LMBRD1: variants seen among roughly 807,000 people sequenced by gnomAD.
LMBRD1 encodes the protein lysosomal cobalamin transport escort protein LMBD1.
Under a neutral mutation model 74.8 loss-of-function variants are expected in LMBRD1, and 64 were observed. The observed-to-expected ratio is 0.86, with a 90% CI of 0.70 to 1.05. The LOEUF (loss-of-function observed/expected upper bound fraction) is 1.05. LMBRD1 is among the 50% of genes least tolerant of loss of function. The probability of loss-of-function intolerance (pLI) is 0.00; values close to 1 mark genes in which losing one functional copy is unlikely to be tolerated. For missense variants in LMBRD1, 652 were observed against 645.9 expected (o/e 1.01, Z -0.10); for synonymous variants, 204 against 216.3 (o/e 0.94, Z 0.50).
intron 3 of LMBRD1, among the ~76,000 whole-genome samples, chr6:69,779,156 A>G (rs1300670906): frequency 6.9e-6 from 1 of 145,534 alleles, no homozygotes; most frequent in Non-Finnish European, 1.5e-5. Flanking sequence ...ACTGCACTCC[A>G]GCCTGGGCAA....
chr6:69,737,835 A>T, intron 7 of LMBRD1, 107 bp downstream of exon 7: 1 of 810,836 alleles, frequency 1.2e-6, no homozygotes, highest in South Asian at 1.6e-5. Context: ...AAATTGAAAA[A>T]GAATCAAAAT....
intron 5 of LMBRD1, among the ~76,000 whole-genome samples, chr6:69,747,232 C>T (rs558214184): frequency 6.6e-6 from 1 of 152,260 alleles, no homozygotes; most frequent in East Asian, 1.9e-4. Flanking sequence ...CTCCTTCTCT[C>T]TCCTCCACCC....
intron 14 of LMBRD1, among the ~76,000 whole-genome samples, chr6:69,681,551 C>A (rs1356252011): frequency 1.3e-5 from 2 of 151,892 alleles, no homozygotes; most frequent in African/African-American, 4.8e-5. Flanking sequence ...TCATGTTAAA[C>A]CTTCACTTGA....
intron 7 of LMBRD1, among the ~76,000 whole-genome samples, chr6:69,730,761 T>C (rs1766838253): frequency 1.3e-5 from 2 of 152,090 alleles, no homozygotes; most frequent in Admixed American, 6.6e-5. Context: ...GTAAAGAAAA[T>C]ATTCATTAGA....
intron 1 of LMBRD1, among the ~76,000 whole-genome samples, chr6:69,795,436 G>A (rs1461649279): frequency 6.6e-6 from 1 of 151,970 alleles, no homozygotes; most frequent in Non-Finnish European, 1.5e-5. Context: ...TTATCTTCAG[G>A]CCCTCTTTAA....
chr6:69,793,775 T>C (rs1426827911), intron 1 of LMBRD1, among the ~76,000 whole-genome samples: 2 of 143,304 alleles, frequency 1.4e-5, no homozygotes, highest in Non-Finnish European at 3.0e-5. Flanking sequence ...CCAGGCACTA[T>C]CAGAGCTTGC....
chr6:69,774,598 A>G (rs1228722718), intron 3 of LMBRD1, among the ~76,000 whole-genome samples: 1 of 152,212 alleles, frequency 6.6e-6, no homozygotes, highest in Non-Finnish European at 1.5e-5. Flanking sequence ...CCAAATATAA[A>G]GATAAAAATA....
intron 7 of LMBRD1, among the ~76,000 whole-genome samples, chr6:69,732,880 G>A (rs1043032514): frequency 6.6e-6 from 1 of 152,070 alleles, no homozygotes; most frequent in African/African-American, 2.4e-5. Flanking sequence ...ATATATCCGT[G>A]CCTGTTAAGT....
chr6:69,686,883 C>T (rs1765775276), intron 14 of LMBRD1, among the ~76,000 whole-genome samples: 1 of 152,160 alleles, frequency 6.6e-6, no homozygotes, highest in Admixed American at 6.5e-5. Context: ...TAAGTAATGT[C>T]TATGGCAGTT....
At chr6:69,743,389 A>T (rs1354575083) in intron 5 of LMBRD1, among the ~76,000 whole-genome samples, 4 of 152,224 alleles carry the variant, frequency 2.6e-5, no homozygotes, top group African/African-American at 9.6e-5. Flanking sequence ...GTAATCAAAG[A>T]TATTGTACAG....
At chr6:69,745,494 A>G (rs963651103) in intron 5 of LMBRD1, among the ~76,000 whole-genome samples, 16 of 145,864 alleles carry the variant, frequency 1.1e-4, no homozygotes, top group East Asian at 8.6e-4. Flanking sequence ...TCCTGACCTC[A>G]TGATCCACCC....
chr6:69,796,796 C>G lies in LMBRD1; in HGVS notation c.69+17G>C. The G allele has an allele frequency of 6.2e-7, 1 of 1,612,526 alleles. No homozygotes were observed. The highest frequency in any genetic ancestry group is 1.7e-4 in the Middle Eastern group (1 of 6,058). ...CCCCAGTCCAAACATGGGGAAAACT[C>G]CAAGCGCCTCCCCTACCAGTAGTAA... is the stretch of plus-strand genomic sequence containing the variant. On this transcript the variant is annotated intron_variant, in intron 1 of 15. Coordinates refer to ENST00000649934, the MANE Select transcript of LMBRD1 (RefSeq NM_018368.4).
intron 7 of LMBRD1, among the ~76,000 whole-genome samples, chr6:69,725,486 A>G (rs990254560): frequency 2.6e-5 from 4 of 152,132 alleles, no homozygotes; most frequent in African/African-American, 9.7e-5. Context: ...TTTAAATTCT[A>G]TTACAGAGCT....
chr6:69,765,732 C>T (rs1201211469), intron 3 of LMBRD1, among the ~76,000 whole-genome samples: 1 of 152,118 alleles, frequency 6.6e-6, no homozygotes, highest in South Asian at 2.1e-4. Flanking sequence ...TGCATCTTTA[C>T]AGCATTGTGT....
chr6:69,744,642 C>T (rs1345790324), intron 5 of LMBRD1, among the ~76,000 whole-genome samples: 1 of 152,162 alleles, frequency 6.6e-6, no homozygotes, highest in Non-Finnish European at 1.5e-5. Context: ...ACTTCTTACA[C>T]TCCATCACCA....
chr6:69,734,228 C>A lies in LMBRD1; in HGVS notation c.636+3714G>T, dbSNP rs182339631. Among the ~76,000 whole-genome samples the A allele has an allele frequency of 2.0e-3, 298 of 152,248 alleles. 5 individuals carry two copies. The highest frequency in any genetic ancestry group is 6.7e-3 in the African/African-American group (278 of 41,558). On this transcript the variant is annotated intron_variant, in intron 7 of 15. Transcript: ENST00000649934. Reference sequence around the variant, plus strand: ...AAGTGGCCCCTCTCTACCTATTTAGCAACTCTTCTATGTGTTCCTGGTTCC... The same window carrying A: ...AAGTGGCCCCTCTCTACCTATTTAGAAACTCTTCTATGTGTTCCTGGTTCC...
intron 6 of LMBRD1, among the ~76,000 whole-genome samples, chr6:69,738,576 C>T (rs1767025258): frequency 6.6e-6 from 1 of 150,802 alleles, no homozygotes; most frequent in Non-Finnish European, 1.5e-5. Context: ...AAAGCAAACA[C>T]AACGAGAAAA....
chr6:69,700,829 A>T lies in LMBRD1; in HGVS notation c.1124T>A (p.Met375Lys). Residue 375 changes from methionine (M) to lysine (K), a missense_variant, in exon 12 of 16, where the codon ATG (methionine) becomes AAG (lysine). Met to Lys is a moderately conservative substitution (Grantham distance 95). Around this residue, in one of 3 missense-constraint regions of LMBRD1, gnomAD observed 598 missense variants for 581.8 expected, o/e 1.03. Coordinates refer to ENST00000649934, the MANE Select transcript of LMBRD1 (RefSeq NM_018368.4). ...LDYILITIII[M>K]YFIFTSMAGI... Reference sequence around the variant, plus strand: ...TGCCATTGAAGTAAAAATAAAGTACATAATAATAATTGTTATAAGAATATA... The same window carrying T: ...TGCCATTGAAGTAAAAATAAAGTACTTAATAATAATTGTTATAAGAATATA... 6.8e-7 allele frequency: 1 copy of T among 1,476,354 alleles called. No homozygotes were observed. Among genetic ancestry groups the T allele is most frequent in the Non-Finnish European group, 9.2e-7 (1 of 1,086,292 alleles). The allele number at this position is 1,476,354 out of a possible 1,614,324, so 91.5% of individuals were successfully genotyped here. A position where few individuals can be genotyped will look rare whatever the true frequency, so the allele number is the denominator to read the frequency against.
At chr6:69,684,916 T>C (rs1405134836) in intron 14 of LMBRD1, among the ~76,000 whole-genome samples, 1 of 152,136 alleles carries the variant, frequency 6.6e-6, no homozygotes, top group Non-Finnish European at 1.5e-5. Context: ...AATAATACTA[T>C]TTAAAAAGAG....
Sources: gnomAD v4.1 joint callset for allele counts (sites outside exome capture counted in the v4.1 genomes callset) on GRCh38, gnomAD v4.1.1 for gene constraint, gnomAD v4.1.1 regional missense constraint, MANE v1.5 for transcripts, NCBI Gene and HGNC (gene_info 2026-07-23, HGNC 2026-07-21) for gene names.